B3GNT3: variants seen among roughly 807,000 people sequenced by gnomAD.
B3GNT3 encodes N-acetyllactosaminide beta-1,3-N-acetylglucosaminyltransferase 3.
Under a neutral mutation model 11.6 loss-of-function variants are expected in B3GNT3, and 7 were observed. The ratio of observed to expected loss-of-function variants is 0.60; its 90% CI spans 0.34 to 1.13. B3GNT3 has a LOEUF of 1.13. B3GNT3 is among the 50% of genes most tolerant of loss of function. The pLI, the probability that B3GNT3 is intolerant of heterozygous loss-of-function variation, is 0.03. For missense variants in B3GNT3, 400 were observed against 507.4 expected (o/e 0.79, Z 2.03); for synonymous variants, 201 against 222.1 (o/e 0.90, Z 0.85).
intron 2 of B3GNT3, among the ~76,000 whole-genome samples, chr19:17,810,817 G>T (rs1365221472): frequency 6.6e-6 from 1 of 151,824 alleles, no homozygotes; most frequent in Non-Finnish European, 1.5e-5. Context: ...AAAGGCGGAG[G>T]TTGCAGTGAG....
Position 17,808,292 on chromosome 19 carries a change from T to C in B3GNT3, c.485T>C (p.Leu162Pro). ...CACGAGGCCCGCAAGGTCAACCGGC[T>C]GCTGGAGCTGGAGGCACAGACTCAC... ...NPHEARKVNR[L>P]LELEAQTHGD... Residue 162 changes from leucine (L) to proline (P), a missense_variant, in exon 2 of 3, where the codon CTG (leucine) becomes CCG (proline). Transcript: ENST00000318683. 1 of 1,613,490 alleles carries C rather than the reference T, an allele frequency of 6.2e-7. No homozygotes were observed. Among genetic ancestry groups the C allele is most frequent in the Non-Finnish European group, 8.5e-7 (1 of 1,179,960 alleles).
At position 17,813,491 on chromosome 19, in the gene B3GNT3, A is replaced by G. The variant is rs1599852725; in HGVS notation, c.*1369A>G. On this transcript the variant is annotated 3_prime_UTR_variant, in exon 3 of 3. Coordinates refer to ENST00000318683, the MANE Select transcript of B3GNT3 (RefSeq NM_014256.4). ...TGAGGCAAAAGCTGCAGGAATTTCT[A>G]TCAGGCAGATCTGACCTCATCCCAC... Among the ~76,000 whole-genome samples the G allele has an allele frequency of 1.3e-5, 2 of 152,168 alleles. No individual in the cohort carries two copies. The highest frequency in any genetic ancestry group is 2.4e-5 in the African/African-American group (1 of 41,518).
rs79614823 is a variant in B3GNT3, at chr19:17,807,939, C to T, written c.132C>T (p.Pro44=). 1,793 of 1,613,396 alleles carry T rather than the reference C, an allele frequency of 1.1e-3. 17 individuals are homozygous for T. The African/African-American group carries it at 0.021, about 19-fold the overall frequency. ...TCCAGGAGCAGCCACCGGCGATCCC[C>T]GAGGCCCTGGCCTGGCCCACTCCAC... The part of the protein sequence containing the change: ...CKVQEQPPAI[P]EALAWPTPPT... Residue 44 remains proline (P), a synonymous_variant, in exon 2 of 3, where the codon CCC becomes CCT. Coordinates refer to ENST00000318683, the MANE Select transcript of B3GNT3 (RefSeq NM_014256.4).
intron 1 of B3GNT3, among the ~76,000 whole-genome samples, chr19:17,798,163 C>T (rs900241015): frequency 7.2e-5 from 11 of 152,222 alleles, no homozygotes; most frequent in Non-Finnish European, 8.8e-5. Flanking sequence ...TTCTTCACCC[C>T]TAGAGGTTGC....
intron 1 of B3GNT3, among the ~76,000 whole-genome samples, chr19:17,798,127 A>G (rs2094161601): frequency 6.6e-6 from 1 of 152,182 alleles, no homozygotes; most frequent in South Asian, 2.1e-4. Context: ...CTCTCCTGCA[A>G]GCGTCCCCAA....
At position 17,811,297 on chromosome 19, in the gene B3GNT3, A is replaced by G. The variant is rs905542206; in HGVS notation, c.568-274A>G. ...TTGGAAGGAATAGCAATACATGTAA[A>G]TGTAACAATTTTCCAGCATTTCTTG... On this transcript the variant is annotated intron_variant, in intron 2 of 2. Transcript: ENST00000318683. This position sits in a 1 kb window ranked among gnomAD's most constrained non-coding sequence, Gnocchi z 4.1. Among the ~76,000 whole-genome samples the G allele has an allele frequency of 1.3e-5, 2 of 152,184 alleles. No homozygotes were observed. Among genetic ancestry groups the G allele is most frequent in the African/African-American group, 4.8e-5 (2 of 41,456 alleles).
At position 17,808,002 on chromosome 19, in the gene B3GNT3, C is replaced by T. The variant is rs1393554969; in HGVS notation, c.195C>T (p.Thr65=). Reference sequence around the variant, plus strand: ...CCCCGGCCCCGTGCCATGCCAACACCTCTATGGTCACCCACCCGGACTTCG... The same window carrying T: ...CCCCGGCCCCGTGCCATGCCAACACTTCTATGGTCACCCACCCGGACTTCG... ...RPAPAPCHAN[T]SMVTHPDFAT... Residue 65 remains threonine, a synonymous_variant, in exon 2 of 3, where the codon ACC becomes ACT. Coordinates refer to ENST00000318683, the MANE Select transcript of B3GNT3 (RefSeq NM_014256.4). The T allele has an allele frequency of 6.2e-7, 1 of 1,611,944 alleles. No homozygotes were observed. The highest frequency in any genetic ancestry group is 8.5e-7 in the Non-Finnish European group (1 of 1,179,216).
In B3GNT3 at chr19:17,807,963, A is replaced by ACCCCCCCCCCC; in HGVS notation, c.159_160insCCCCCCCCCCC (p.Thr54ProfsTer63). 14 of 1,223,218 alleles carry ACCCCCCCCCCC rather than the reference A, an allele frequency of 1.1e-5. No individual in the cohort carries two copies. Among genetic ancestry groups the ACCCCCCCCCCC allele is most frequent in the Middle Eastern group, 2.0e-4 (1 of 4,918 alleles). The allele number at this position is 1,223,218 out of a possible 1,614,324, so 75.8% of individuals were successfully genotyped here. A position where few individuals can be genotyped will look rare whatever the true frequency, so the allele number is the denominator to read the frequency against. The stretch of plus-strand genomic sequence containing the variant: ...CCGAGGCCCTGGCCTGGCCCACTCC[A>ACCCCCCCCCCC]CCCACCCGCCCAGCCCCGGCCCCGT... On this transcript the variant is annotated frameshift_variant, in exon 2 of 3. Transcript: ENST00000318683. LOFTEE classifies it high-confidence loss of function.
At chr19:17,809,817 A>T (rs1301432472) in intron 2 of B3GNT3, among the ~76,000 whole-genome samples, 1 of 152,060 alleles carries the variant, frequency 6.6e-6, no homozygotes, top group Non-Finnish European at 1.5e-5. Context: ...CAGATGAGGA[A>T]ATGGAGGGGC....
rs2094175840 is a variant in B3GNT3, at chr19:17,808,075, C to T, written c.268C>T (p.Arg90Cys). The change falls in exon 2 of 3, where the codon CGC (arginine) becomes TGC (cysteine). Residue 90 changes from arginine to cysteine, a missense_variant. Physicochemically the swap from Arg to Cys is radical, Grantham distance 180. Coordinates refer to ENST00000318683, the MANE Select transcript of B3GNT3 (RefSeq NM_014256.4). ...GAACTTCCTCCTGTACAGACACTGC[C>T]GCCACTTTCCCCTGCTGCAGGACGT... Reference protein sequence around the residue: ...VQNFLLYRHCRHFPLLQDVPP... With the variant: ...VQNFLLYRHCCHFPLLQDVPP... 1 of 1,613,804 alleles carries T rather than the reference C, an allele frequency of 6.2e-7. No homozygotes were observed. Among genetic ancestry groups the T allele is most frequent in the Non-Finnish European group, 8.5e-7 (1 of 1,179,916 alleles).
chr19:17,799,947 C>T lies in B3GNT3; in HGVS notation c.-51+4741C>T, dbSNP rs187734486. Among the ~76,000 whole-genome samples the T allele has an allele frequency of 1.9e-3, 290 of 152,248 alleles. 1 individual carries two copies. The highest frequency in any genetic ancestry group is 6.5e-3 in the African/African-American group (271 of 41,554). On this transcript the variant is annotated intron_variant, in intron 1 of 2. Coordinates refer to ENST00000318683, the MANE Select transcript of B3GNT3 (RefSeq NM_014256.4). ...GAGTCAGTGTCAGGACATCCCCCGC[C>T]CCCTGTGCCACTCCCCATCACCTGT...
chr19:17,807,963 A>AGGCCC lies in B3GNT3; in HGVS notation c.156_157insGGCCC (p.Pro53GlyfsTer62). ...CCGAGGCCCTGGCCTGGCCCACTCC[A>AGGCCC]CCCACCCGCCCAGCCCCGGCCCCGT... On this transcript the variant is annotated frameshift_variant, in exon 2 of 3. Transcript: ENST00000318683. LOFTEE classifies it high-confidence loss of function. The AGGCCC allele has an allele frequency of 2.5e-6, 3 of 1,223,172 alleles. No individual in the cohort carries two copies. The highest frequency in any genetic ancestry group is 3.5e-6 in the Non-Finnish European group (3 of 866,356). The allele number at this position is 1,223,172 out of a possible 1,614,324, so 75.8% of individuals were successfully genotyped here. A position where few individuals can be genotyped will look rare whatever the true frequency, so the allele number is the denominator to read the frequency against.
intron 1 of B3GNT3, among the ~76,000 whole-genome samples, chr19:17,804,506 A>G (rs1219321714): frequency 8.5e-6 from 1 of 117,966 alleles, no homozygotes; most frequent in African/African-American, 3.3e-5. Flanking sequence ...AAGTGCTGAG[A>G]TTACAGGCGT....
intron 1 of B3GNT3, among the ~76,000 whole-genome samples, chr19:17,805,099 C>T (rs1414935441): frequency 1.4e-5 from 2 of 141,198 alleles, no homozygotes; most frequent in African/African-American, 5.7e-5. Flanking sequence ...CCTTAGTGAC[C>T]ACAGGGATTT....
chr19:17,800,964 C>G (rs984591167), intron 1 of B3GNT3, among the ~76,000 whole-genome samples: 7 of 151,522 alleles, frequency 4.6e-5, no homozygotes, highest in Non-Finnish European at 7.4e-5. Flanking sequence ...GACAGAGGCT[C>G]TATCTAAAAT....
Position 17,811,621 on chromosome 19 carries a change from G to A in B3GNT3, c.618G>A (p.Val206=), listed in dbSNP as rs1215126129. ...CAAGGTGCGCCAACGCCAGCTTCGT[G>A]CTCAACGGGGATGATGACGTCTTTG... The part of the protein sequence containing the change: ...QETRCANASF[V]LNGDDDVFAH... The change falls in exon 3 of 3, where the codon GTG becomes GTA. Residue 206 remains valine, a synonymous_variant. Transcript: ENST00000318683. The surrounding 1 kb of genome is among the most constrained non-coding windows in gnomAD (Gnocchi z 4.1). 8 of 1,613,978 alleles carry A rather than the reference G, an allele frequency of 5.0e-6. No individual in the cohort carries two copies. Among genetic ancestry groups the A allele is most frequent in the Non-Finnish European group, 8.5e-7 (1 of 1,179,950 alleles).
chr19:17,800,597 T>C (rs367759820), intron 1 of B3GNT3, among the ~76,000 whole-genome samples: 4 of 152,312 alleles, frequency 2.6e-5, no homozygotes, highest in South Asian at 2.1e-4. Flanking sequence ...GTATCACCTG[T>C]GCATTGAAGC....
Position 17,812,297 on chromosome 19 carries a change from C to G in B3GNT3, c.*175C>G. The G allele has an allele frequency of 3.1e-6, 2 of 640,568 alleles. No individual in the cohort carries two copies. Among genetic ancestry groups the G allele is most frequent in the Admixed American group, 3.1e-5 (1 of 32,054 alleles). The allele number at this position is 640,568 out of a possible 1,614,324, so 39.7% of individuals were successfully genotyped here. Reference sequence around the variant, plus strand: ...ACTCCTACACATCCTTCAAAACCCACCTGGTACTGTTCCAGCATCTTCCCT... The same window carrying G: ...ACTCCTACACATCCTTCAAAACCCAGCTGGTACTGTTCCAGCATCTTCCCT... On this transcript the variant is annotated 3_prime_UTR_variant, in exon 3 of 3. Transcript: ENST00000318683.
chr19:17,801,008 A>C (rs1042424810), intron 1 of B3GNT3, among the ~76,000 whole-genome samples: 4 of 151,892 alleles, frequency 2.6e-5, no homozygotes, highest in Admixed American at 2.6e-4. Flanking sequence ...CCTCATGATA[A>C]TATTCAAGTA....
Sources: allele counts gnomAD v4.1 joint callset (sites outside exome capture counted in the v4.1 genomes callset), GRCh38; gene constraint gnomAD v4.1.1; non-coding constraint Gnocchi (gnomAD v3.1); transcripts MANE v1.5; gene names NCBI Gene and HGNC (gene_info 2026-07-23, HGNC 2026-07-21).